The following BLOC1S3 variants were observed in gnomAD, a reference collection of about 807,000 sequenced individuals.
BLOC1S3 encodes biogenesis of lysosomal organelles complex 1 subunit 3, also known as biogenesis of lysosome-related organelles complex 1 subunit 3.
A neutral mutation model predicts 9.1 loss-of-function variants in BLOC1S3; 7 were observed. The observed-to-expected ratio is 0.77, with a 90% CI of 0.44 to 1.45. The LOEUF (loss-of-function observed/expected upper bound fraction) is 1.45, where lower values mean the gene tolerates loss of function less well. Ranked by LOEUF, BLOC1S3 falls within the 40% of genes most tolerant of loss-of-function variation. The pLI is 0.01. For synonymous variants in BLOC1S3, 145 were observed against 158.4 expected (o/e 0.92, Z 0.64); for missense variants, 307 against 315.2 (o/e 0.97, Z 0.20).
intron 3 of BLOC1S3, among the ~76,000 whole-genome samples, chr19:45,205,312 CCCA>C: frequency 6.6e-6 from 1 of 151,782 alleles, no homozygotes; most frequent in East Asian, 1.9e-4. Flanking sequence ...ATTACAGGTG[CCCA>C]CCACCACACC....
At chr19:45,193,130 CTCAAAAA>C (rs1969619048) in intron 2 of BLOC1S3, among the ~76,000 whole-genome samples, 1 of 40,716 alleles carries the variant, frequency 2.5e-5, no homozygotes, top group Non-Finnish European at 4.9e-5. Context: ...AAAACTCCGT[CTCAAAAA>C]AAAAAAAAAA....
chr19:45,213,088 C>T lies in BLOC1S3; in HGVS notation n.283-3588C>T, dbSNP rs199587359. On this transcript the variant is annotated intron_variant and non_coding_transcript_variant, in intron 3 of 3. Transcript: ENST00000591569. ...TGACCCTCAGCGCTGGGCCCGAGGT[C>T]GCGCTAGAGACGGAGGCCGGGGCCG... 2.7e-4 allele frequency: 403 copies of T among 1,511,236 alleles called. No individual in the cohort carries two copies. The highest frequency in any genetic ancestry group is 1.6e-3 in the African/African-American group (112 of 71,628). The allele number at this position is 1,511,236 out of a possible 1,614,324, so 93.6% of individuals were successfully genotyped here.
At position 45,210,289 on chromosome 19, in the gene BLOC1S3, CTTTTTT is replaced by C. The variant is rs71173125; in HGVS notation, n.283-6364_283-6359del. 4.8e-3 allele frequency among the ~76,000 whole-genome samples: 354 copies of C among 74,384 alleles called. 2 individuals are homozygous for C. Among genetic ancestry groups the C allele is most frequent in the African/African-American group, 0.018 (332 of 18,662 alleles). 48.8% of individuals were successfully genotyped at this position (74,384 alleles called of 152,430 possible). ...ATATACATAAAATTTACTATTTTAA[CTTTTTT>C]TTTTTTTTTTTTTTTTTTTTTTGAG... On this transcript the variant is annotated intron_variant and non_coding_transcript_variant, in intron 3 of 3. Coordinates refer to the BLOC1S3 transcript ENST00000591569.
chr19:45,215,377 G>A (rs1969821909), intron 3 of BLOC1S3, among the ~76,000 whole-genome samples: 2 of 152,056 alleles, frequency 1.3e-5, no homozygotes, highest in Admixed American at 6.6e-5. Context: ...AGGCTGAGGT[G>A]GGAGGGCTGC....
chr19:45,211,510 GAAA>G (rs576231552), intron 3 of BLOC1S3, among the ~76,000 whole-genome samples: 5 of 109,532 alleles, frequency 4.6e-5, no homozygotes, highest in Non-Finnish European at 3.8e-5. Context: ...GACTCTGACT[GAAA>G]AAAAAAAAAA....
intron 2 of BLOC1S3, among the ~76,000 whole-genome samples, chr19:45,198,452 C>T (rs1969665649): frequency 6.6e-6 from 1 of 151,510 alleles, no homozygotes; most frequent in Admixed American, 6.6e-5. Flanking sequence ...CCACCACGCT[C>T]AGCTAACTTT....
At chr19:45,199,073 T>C (rs1326321173) in intron 2 of BLOC1S3, 3 of 152,130 alleles carry the variant, frequency 2.0e-5, no homozygotes, top group Non-Finnish European at 4.4e-5. Context: ...TCCCTGATCT[T>C]TGGGAGTTTG....
chr19:45,216,317 T>C, intron 3 of BLOC1S3: 1 of 1,364,230 alleles, frequency 7.3e-7, no homozygotes. Context: ...GGCTCAAGCC[T>C]GTAATCCCAG....
rs1969829433 is a variant in BLOC1S3 at position 45,215,988 on chromosome 19, G to A, written n.283-688G>A. 4 of 1,561,276 alleles carry A rather than the reference G, an allele frequency of 2.6e-6. No homozygotes were observed. The East Asian group carries it at 6.9e-5, about 27-fold the overall frequency. On this transcript the variant is annotated intron_variant and non_coding_transcript_variant, in intron 3 of 3. Coordinates refer to the BLOC1S3 transcript ENST00000591569. ...CGCTCACCGGCTCCCTCCCTCAGGAGGCAGGAAGCACAGGGACGGATGCCA... is the reference window on the plus strand; with the variant it reads ...CGCTCACCGGCTCCCTCCCTCAGGAAGCAGGAAGCACAGGGACGGATGCCA...
downstream of BLOC1S3, among the ~76,000 whole-genome samples, chr19:45,183,618 CTTTTCTTTTTTTTTTTT>C (rs796445067): frequency 1.3e-3 from 166 of 132,652 alleles, 2 homozygotes; most frequent in African/African-American, 4.7e-3. Context: ...TTTTTCTTTT[CTTTTCTTTTTTTTTTTT>C]TTTTTTTTTG....
exon 2 of BLOC1S3, chr19:45,187,622 T>C (rs1167852874): frequency 6.6e-6 from 1 of 152,242 alleles, no homozygotes; most frequent in East Asian, 1.9e-4. Context: ...CAGGGACGCT[T>C]GAGGAAGCTG....
intron 3 of BLOC1S3, among the ~76,000 whole-genome samples, chr19:45,211,877 C>T (rs1185020405): frequency 2.6e-5 from 4 of 152,012 alleles, no homozygotes; most frequent in Admixed American, 6.6e-5. Flanking sequence ...CAGCCCAGGC[C>T]GGAGGGGCAG....
At chr19:45,209,300 T>C (rs774574110) in intron 3 of BLOC1S3, among the ~76,000 whole-genome samples, 10 of 152,032 alleles carry the variant, frequency 6.6e-5, no homozygotes, top group Non-Finnish European at 1.0e-4. Flanking sequence ...CCGCCCACCT[T>C]GGCCTCCCAC....
At chr19:45,202,419 T>G (rs1969698412) in exon 3 of BLOC1S3, 1 of 155,350 alleles carries the variant, frequency 6.4e-6, no homozygotes, top group Non-Finnish European at 1.4e-5. Flanking sequence ...TCTCTCTCTG[T>G]GGCCACCACT....
intron 2 of BLOC1S3, chr19:45,198,846 T>A (rs992695074): frequency 1.3e-5 from 2 of 151,984 alleles, no homozygotes; most frequent in African/African-American, 4.8e-5. Flanking sequence ...TGTGAGCCAC[T>A]GCGCCTGGCC....
chr19:45,208,415 T>A (rs1969743836), intron 3 of BLOC1S3, among the ~76,000 whole-genome samples: 1 of 151,592 alleles, frequency 6.6e-6, no homozygotes, highest in South Asian at 2.1e-4. Context: ...GAGACCAGCC[T>A]AGCCAACATG....
rs1003446911 is a variant in BLOC1S3 at position 45,179,592 on chromosome 19, C to T, written c.296C>T (p.Ala99Val). 12 of 1,479,626 alleles carry T rather than the reference C, an allele frequency of 8.1e-6. No homozygotes were observed. The highest frequency in any genetic ancestry group is 1.3e-5 in the South Asian group (1 of 78,118). The allele number at this position is 1,479,626 out of a possible 1,614,324, so 91.7% of individuals were successfully genotyped here. A position where few individuals can be genotyped will look rare whatever the true frequency, so the allele number is the denominator to read the frequency against. The change falls in exon 2 of 2, where the codon GCC becomes GTC. Residue 99 changes from alanine (A) to valine (V), a missense_variant. Ala to Val is a moderately conservative substitution (Grantham distance 64). Transcript: ENST00000433642. This position sits in a 1 kb window ranked among gnomAD's most constrained non-coding sequence, Gnocchi z 4.6. ...GAGGAGGCCTGGGGCACGGAGGAGGCCCCGGCGCCCGCCCCCGCGCGCTCG... is the reference window on the plus strand; with the variant it reads ...GAGGAGGCCTGGGGCACGGAGGAGGTCCCGGCGCCCGCCCCCGCGCGCTCG... ...SAEEAWGTEE[A>V]PAPAPARSLL... is the part of the protein sequence containing the mutation.
intron 2 of BLOC1S3, among the ~76,000 whole-genome samples, chr19:45,190,644 T>G (rs1023920896): frequency 1.3e-5 from 2 of 151,520 alleles, no homozygotes; most frequent in East Asian, 3.9e-4. Context: ...TCAAGTGATC[T>G]GCCCACCTCA....
chr19:45,205,010 A>C (rs1197118155), intron 3 of BLOC1S3, among the ~76,000 whole-genome samples: 4 of 152,126 alleles, frequency 2.6e-5, no homozygotes, highest in African/African-American at 9.7e-5. Flanking sequence ...CTAGGATTAC[A>C]TGTGTGAGCT....
Sources: gnomAD v4.1 joint callset for allele counts (sites outside exome capture counted in the v4.1 genomes callset) on GRCh38, gnomAD v4.1.1 for gene constraint, Gnocchi (gnomAD v3.1) non-coding constraint, MANE v1.5 for transcripts, NCBI Gene and HGNC (gene_info 2026-07-23, HGNC 2026-07-21) for gene names.